Variants in GIGYF1 observed in about 807,000 individuals in gnomAD.
GIGYF1 encodes the protein GRB10-interacting GYF protein 1.
Under a neutral mutation model 147.1 loss-of-function variants are expected in GIGYF1, and 84 were observed. That is an observed-to-expected ratio of 0.57 (90% confidence interval 0.48 to 0.68). The LOEUF (loss-of-function observed/expected upper bound fraction) is 0.68, where lower values mean the gene tolerates loss of function less well. Ranked by LOEUF, GIGYF1 falls within the 30% of genes least tolerant of loss-of-function variation. The probability of loss-of-function intolerance (pLI) is 0.00; values close to 1 mark genes in which losing one functional copy is unlikely to be tolerated. For missense variants in GIGYF1, 1,485 were observed against 1,393.7 expected (o/e 1.07, Z -1.04); for synonymous variants, 752 against 589.5 (o/e 1.28, Z -3.99).
In GIGYF1 at chr7:100,682,677, A is replaced by G; in HGVS notation, c.2513T>C (p.Leu838Pro). Residue 838 changes from leucine (L) to proline (P), a missense_variant, in exon 23 of 27, where the codon CTG becomes CCG. Transcript: ENST00000678049. ...CTTGGGGGTGTCCTCCCAGAGCCCCAGGCCGCTGCTGCCGCCCCCACTCTT... is the reference window on the plus strand; with the variant it reads ...CTTGGGGGTGTCCTCCCAGAGCCCCGGGCCGCTGCTGCCGCCCCCACTCTT... Reference protein sequence around the residue: ...PDKSGGGSSGLGLWEDTPKSG... With the variant: ...PDKSGGGSSGPGLWEDTPKSG... 1 of 1,601,462 alleles carries G rather than the reference A, an allele frequency of 6.2e-7. No homozygotes were observed. Among genetic ancestry groups the G allele is most frequent in the Non-Finnish European group, 8.5e-7 (1 of 1,175,184 alleles).
intron 1 of GIGYF1, among the ~76,000 whole-genome samples, chr7:100,690,179 T>C (rs973061586): frequency 1.3e-5 from 2 of 152,184 alleles, no homozygotes; most frequent in Non-Finnish European, 1.5e-5. Flanking sequence ...GAACAAAAGG[T>C]ATCTGGAGAT....
intron 1 of GIGYF1, among the ~76,000 whole-genome samples, chr7:100,692,805 C>T (rs900565248): frequency 7.2e-5 from 11 of 152,142 alleles, no homozygotes; most frequent in African/African-American, 2.4e-4. Flanking sequence ...CCCAATGGCA[C>T]GACAGACCGC....
rs1804902367 is a variant in GIGYF1, at chr7:100,682,693, C to T, written c.2497G>A (p.Gly833Ser). 4.4e-6 allele frequency: 7 copies of T among 1,599,094 alleles called. No homozygotes were observed. The highest frequency in any genetic ancestry group is 6.0e-6 in the Non-Finnish European group (7 of 1,173,226). ...PLWGGPDKSG[G>S]GSSGLGLWED... is the part of the protein sequence containing the mutation. ...CAGAGCCCCAGGCCGCTGCTGCCGC[C>T]CCCACTCTTGTCTGGCCCGCCCCAC... Residue 833 changes from glycine (G) to serine (S), a missense_variant, in exon 23 of 27, where the codon GGC becomes AGC. Transcript: ENST00000678049.
chr7:100,685,936 G>A (rs748338066), intron 12 of GIGYF1, 38 bp downstream of exon 12: 73 of 1,561,530 alleles, frequency 4.7e-5, no homozygotes, highest in African/African-American at 1.1e-4. Flanking sequence ...GTGCCTGCCC[G>A]GCCCAGCCCC....
At position 100,681,564 on chromosome 7, in the gene GIGYF1, T is replaced by G. The variant is rs1584487172; in HGVS notation, c.*155A>C. On this transcript the variant is annotated 3_prime_UTR_variant, in exon 27 of 27. Coordinates refer to ENST00000678049, the MANE Select transcript of GIGYF1 (RefSeq NM_001375765.1). ...AGTCTGTAAAGTGCCTCGTGGTGGGTGAGTTAAGGTGCATCGTGTGTTTGT... is the reference window on the plus strand; with the variant it reads ...AGTCTGTAAAGTGCCTCGTGGTGGGGGAGTTAAGGTGCATCGTGTGTTTGT... The G allele has an allele frequency of 8.3e-6, 4 of 482,378 alleles. No homozygotes were observed. Among genetic ancestry groups the G allele is most frequent in the Non-Finnish European group, 1.4e-5 (4 of 286,586 alleles). The allele number at this position is 482,378 out of a possible 1,614,324, so 29.9% of individuals were successfully genotyped here. A position where few individuals can be genotyped will look rare whatever the true frequency, so the allele number is the denominator to read the frequency against.
intron 15 of GIGYF1, 40 bp downstream of exon 15, chr7:100,684,683 C>A (rs757263497): frequency 1.2e-6 from 2 of 1,611,578 alleles, no homozygotes; most frequent in Non-Finnish European, 1.7e-6. Flanking sequence ...CACCCTGAAC[C>A]AGAACGGCCT....
At chr7:100,688,343 G>T in intron 3 of GIGYF1, 36 bp from the exon 4 acceptor site, 2 of 1,020,028 alleles carry the variant, frequency 2.0e-6, no homozygotes, top group Non-Finnish European at 3.0e-6. Flanking sequence ...AACAGCACAC[G>T]AAGGAGAACT....
Position 100,682,380 on chromosome 7 carries a change from G to T in GIGYF1, c.2703C>A (p.Gly901=). 6.2e-7 allele frequency: 1 copy of T among 1,613,680 alleles called. No homozygotes were observed. Residue 901 remains glycine (G), a synonymous_variant, in exon 24 of 27, where the codon GGC becomes GGA. Coordinates refer to ENST00000678049, the MANE Select transcript of GIGYF1 (RefSeq NM_001375765.1). Reference sequence around the variant, plus strand: ...GCATCTGCTCGCACCACTGGGTGAAGCCGTCCTGGGGCCTGGGAATGCCCT... The same window carrying T: ...GCATCTGCTCGCACCACTGGGTGAATCCGTCCTGGGGCCTGGGAATGCCCT... The part of the protein sequence containing the change: ...LLQGIPRPQD[G]FTQWCEQMLH...
In GIGYF1 at chr7:100,682,207, CTCCT is replaced by C; in HGVS notation, c.2786_2789del (p.Lys929ArgfsTer50). ...CGTGGACATCATAGGGGGATTCCAC[CTCCT>C]TGAGGATCGCTACAGCCATGGGCAC... On this transcript the variant is annotated frameshift_variant, in exon 25 of 27. Transcript: ENST00000678049. LOFTEE classifies it high-confidence loss of function. The C allele has an allele frequency of 6.2e-7, 1 of 1,613,216 alleles. No individual in the cohort carries two copies. The highest frequency in any genetic ancestry group is 8.5e-7 in the Non-Finnish European group (1 of 1,179,926).
Position 100,688,762 on chromosome 7 carries a change from TC to T in GIGYF1, c.-306del, listed in dbSNP as rs957091825. ...GAGGAGGGAGGGTTCAGGACATGGC[TC>T]TGCCGGCAGCCCTGCCCTGCCCCGC... On this transcript the variant is annotated 5_prime_UTR_variant, in exon 2 of 27. The change abolishes the stop of an existing upstream ORF in the 5' untranslated region. Coordinates refer to ENST00000678049, the MANE Select transcript of GIGYF1 (RefSeq NM_001375765.1). The T allele has an allele frequency of 1.7e-5, 5 of 296,902 alleles. No homozygotes were observed. The highest frequency in any genetic ancestry group is 1.1e-4 in the African/African-American group (5 of 45,682). 18.4% of individuals were successfully genotyped at this position (296,902 alleles called of 1,614,324 possible).
chr7:100,685,310 C>T (rs370602282), intron 13 of GIGYF1, 34 bp downstream of exon 13: 29 of 1,558,584 alleles, frequency 1.9e-5, no homozygotes, highest in African/African-American at 4.1e-5. Context: ...ACAGCCCCAG[C>T]GCACCCGGGA....
intron 8 of GIGYF1, 117 bp from the exon 9 acceptor site, chr7:100,687,163 C>T (rs959401655): frequency 1.1e-5 from 17 of 1,500,732 alleles, no homozygotes; most frequent in African/African-American, 4.1e-5. Flanking sequence ...AGGGGACAAA[C>T]GAAACCAGGG....
chr7:100,682,947 T>TATC, intron 22 of GIGYF1, 65 bp downstream of exon 22: 3 of 1,359,362 alleles, frequency 2.2e-6, no homozygotes, highest in Non-Finnish European at 2.9e-6. Flanking sequence ...CTGGGTTCAG[T>TATC]ATCCCCCTCC....
At chr7:100,690,999 C>G (rs1260151392) in intron 1 of GIGYF1, among the ~76,000 whole-genome samples, 1 of 151,814 alleles carries the variant, frequency 6.6e-6, no homozygotes, top group Non-Finnish European at 1.5e-5. Context: ...AAAGCCCATG[C>G]CACCCGCCTT....
At position 100,688,159 on chromosome 7, in the gene GIGYF1, G is replaced by C. The variant is rs1310044704; in HGVS notation, c.35+45C>G. The C allele has an allele frequency of 1.9e-6, 3 of 1,609,594 alleles. No homozygotes were observed. In the South Asian group the frequency reaches 3.3e-5, roughly 18 times the overall value. On this transcript the variant is annotated intron_variant, in intron 4 of 26. Transcript: ENST00000678049. Reference sequence around the variant, plus strand: ...AGACAGAGGTCAGGGCAGCCTGACTGTGCTTTCTCGAATCTCCACGGCAGC... The same window carrying C: ...AGACAGAGGTCAGGGCAGCCTGACTCTGCTTTCTCGAATCTCCACGGCAGC...
intron 9 of GIGYF1, 80 bp from the exon 10 acceptor site, chr7:100,686,899 C>G (rs1236013474): frequency 4.4e-6 from 7 of 1,596,966 alleles, no homozygotes; most frequent in African/African-American, 1.3e-5. Flanking sequence ...GGGGGGCCAG[C>G]TCCAGGCCCT....
chr7:100,684,185 G>C, intron 17 of GIGYF1, 28 bp from the exon 18 acceptor site: 1 of 1,608,510 alleles, frequency 6.2e-7, no homozygotes, highest in Non-Finnish European at 8.5e-7. Context: ...GAGATGGTGG[G>C]CCACAGAGCC....
Position 100,682,088 on chromosome 7 carries a change from T to C in GIGYF1, c.2909A>G (p.Gln970Arg). Residue 970 changes from glutamine (Q) to arginine (R), a missense_variant, in exon 25 of 27, where the codon CAG becomes CGG. Transcript: ENST00000678049. ...CTGCCTCACCTGCTGCTGCTGCCGC[T>C]GCTGGCTGGCTTTCTGCTTGGCCCT... ...ERRAKQKASQ[Q>R]RQQQQEAWLS... The C allele has an allele frequency of 6.2e-7, 1 of 1,613,294 alleles. No individual in the cohort carries two copies. Among genetic ancestry groups the C allele is most frequent in the East Asian group, 2.2e-5 (1 of 44,868 alleles).
chr7:100,688,321 G>C lies in GIGYF1; in HGVS notation c.-69-14C>G, dbSNP rs1805572869. The C allele has an allele frequency of 1.7e-6, 2 of 1,145,760 alleles. No homozygotes were observed. The highest frequency in any genetic ancestry group is 1.9e-5 in the Admixed American group (1 of 51,932). The allele number at this position is 1,145,760 out of a possible 1,614,324, so 71.0% of individuals were successfully genotyped here. ...CTGTCCAAACACCTGTGGGGGAACA[G>C]GGGCCATGAAGAACAGCACACGAAG... On this transcript the variant is annotated splice_polypyrimidine_tract_variant and intron_variant, in intron 3 of 26. Coordinates refer to ENST00000678049, the MANE Select transcript of GIGYF1 (RefSeq NM_001375765.1).
Sources: gnomAD v4.1 joint callset for allele counts (sites outside exome capture counted in the v4.1 genomes callset) on GRCh38, gnomAD v4.1.1 for gene constraint, MANE v1.5 for transcripts, NCBI Gene and HGNC (gene_info 2026-07-23, HGNC 2026-07-21) for gene names.